RIN3: variants seen among roughly 807,000 people sequenced by gnomAD.
RIN3 encodes RAB5 interacting protein 3.
In RIN3, 54 loss-of-function variants were observed where a neutral mutation model predicts 76.3. The observed-to-expected ratio is 0.71, with a 90% CI of 0.57 to 0.89. RIN3 has a LOEUF of 0.89. RIN3 is among the 40% of genes least tolerant of loss of function. RIN3 has a pLI of 0.00. For missense variants in RIN3, 1,256 were observed against 1,322.1 expected, an observed-to-expected ratio of 0.95 and a Z score of 0.78; for synonymous variants, 576 against 564.0, an observed-to-expected ratio of 1.02 and a Z score of -0.30.
At chr14:92,581,565 C>G (rs751360223) in intron 3 of RIN3, among the ~76,000 whole-genome samples, 8 of 152,136 alleles carry the variant, frequency 5.3e-5, no homozygotes, top group Non-Finnish European at 1.2e-4. Context: ...AGCAGACTGT[C>G]TGAACGTTCT....
At chr14:92,547,169 TTA>T (rs1360835709) in intron 1 of RIN3, among the ~76,000 whole-genome samples, 2 of 85,858 alleles carry the variant, frequency 2.3e-5, no homozygotes, top group African/African-American at 8.7e-5. Context: ...ATAAAATAAA[TTA>T]TCTTTATTTT....
In RIN3 at chr14:92,674,191, G is replaced by T. The variant is rs376917370; in HGVS notation, c.2336-2284G>T. ...TGAGAGGAGGGAAGGAGCTTGCTAC[G>T]GTCCACAGCTGGTGAGTAGTAGAGC... On this transcript the variant is annotated intron_variant, in intron 7 of 9. Coordinates refer to ENST00000216487, the MANE Select transcript of RIN3 (RefSeq NM_024832.5). Among the ~76,000 whole-genome samples the T allele has an allele frequency of 9.7e-4, 147 of 152,254 alleles. 1 individual carries two copies. Among genetic ancestry groups the T allele is most frequent in the African/African-American group, 2.9e-3 (121 of 41,532 alleles).
At chr14:92,666,365 G>A (rs1243624122) in intron 7 of RIN3, among the ~76,000 whole-genome samples, 1 of 152,194 alleles carries the variant, frequency 6.6e-6, no homozygotes, top group African/African-American at 2.4e-5. Flanking sequence ...AGAAAGATAG[G>A]GCCAGGATTA....
chr14:92,566,688 G>C (rs138305976), intron 2 of RIN3, among the ~76,000 whole-genome samples: 1 of 152,088 alleles, frequency 6.6e-6, no homozygotes, highest in African/African-American at 2.4e-5. Context: ...AAAAGAAGCC[G>C]CCCAGAAAGC....
intron 1 of RIN3, among the ~76,000 whole-genome samples, chr14:92,531,533 G>T (rs1366656503): frequency 1.3e-5 from 2 of 152,204 alleles, no homozygotes; most frequent in African/African-American, 2.4e-5. Flanking sequence ...AGGGCACCTG[G>T]GCCTGGCAGG....
chr14:92,682,910 A>C (rs1888717467), intron 8 of RIN3, among the ~76,000 whole-genome samples: 1 of 152,232 alleles, frequency 6.6e-6, no homozygotes, highest in Non-Finnish European at 1.5e-5. Flanking sequence ...TCACACCCGT[A>C]ATCCCAGCTC....
At chr14:92,674,252 G>A (rs1703220276) in intron 7 of RIN3, among the ~76,000 whole-genome samples, 1 of 152,156 alleles carries the variant, frequency 6.6e-6, no homozygotes, top group Non-Finnish European at 1.5e-5. Flanking sequence ...TGGAGACTCA[G>A]CCTTCACACC....
chr14:92,513,868 A>G lies in RIN3; in HGVS notation c.-65A>G, dbSNP rs2139982339. ...AGCCAGGGACATGCGGGCGCCCGGG[A>G]CTCCGCGTTCCGCGCGGCCCGGCGC... On this transcript the variant is annotated 5_prime_UTR_variant, in exon 1 of 10. Coordinates refer to ENST00000216487, the MANE Select transcript of RIN3 (RefSeq NM_024832.5). 8.6e-7 allele frequency: 1 copy of G among 1,166,846 alleles called. No homozygotes were observed. The highest frequency in any genetic ancestry group is 1.1e-6 in the Non-Finnish European group (1 of 929,076). 72.3% of individuals were successfully genotyped at this position (1,166,846 alleles called of 1,614,324 possible).
At position 92,656,086 on chromosome 14, in the gene RIN3, G is replaced by A. The variant is rs1165020803; in HGVS notation, c.2026+3011G>A. Among the ~76,000 whole-genome samples the A allele has an allele frequency of 2.0e-5, 3 of 152,214 alleles. No individual in the cohort carries two copies. The highest frequency in any genetic ancestry group is 3.8e-4 in the East Asian group (2 of 5,198). ...AGGACACAGAAGGGCATGGGAGGACGTGGAAGGACATGGAAAACTCCAAGT... is the reference window on the plus strand; with the variant it reads ...AGGACACAGAAGGGCATGGGAGGACATGGAAGGACATGGAAAACTCCAAGT... On this transcript the variant is annotated intron_variant, in intron 6 of 9. Transcript: ENST00000216487. This position sits in a 1 kb window ranked among gnomAD's most constrained non-coding sequence, Gnocchi z 5.2.
chr14:92,604,739 A>G (rs1885463420), intron 3 of RIN3, among the ~76,000 whole-genome samples: 1 of 151,928 alleles, frequency 6.6e-6, no homozygotes, highest in African/African-American at 2.4e-5. Flanking sequence ...CTCTCGCCCT[A>G]CCAACCAAAT....
chr14:92,593,047 A>G lies in RIN3; in HGVS notation c.367+15570A>G, dbSNP rs1043925732. 2.0e-5 allele frequency among the ~76,000 whole-genome samples: 3 copies of G among 152,194 alleles called. No individual in the cohort carries two copies. The South Asian group carries it at 6.2e-4, about 32-fold the overall frequency. On this transcript the variant is annotated intron_variant, in intron 3 of 9. Transcript: ENST00000216487. ...ATCTACATGTGTGAAAGCTGCAGAT[A>G]TGGAGGGCCAACTGTCCTCACAACG...
At chr14:92,563,506 G>T (rs1454976315) in intron 2 of RIN3, among the ~76,000 whole-genome samples, 2 of 152,100 alleles carry the variant, frequency 1.3e-5, no homozygotes, top group Admixed American at 6.5e-5. Flanking sequence ...CAAAACAGGG[G>T]TGTGATCTCT....
chr14:92,604,228 G>A lies in RIN3; in HGVS notation c.368-11179G>A, dbSNP rs138193549. Among the ~76,000 whole-genome samples the A allele has an allele frequency of 3.0e-3, 459 of 152,166 alleles. 2 individuals carry two copies. The highest frequency in any genetic ancestry group is 8.5e-3 in the East Asian group (44 of 5,158). On this transcript the variant is annotated intron_variant, in intron 3 of 9. Coordinates refer to ENST00000216487, the MANE Select transcript of RIN3 (RefSeq NM_024832.5). The stretch of plus-strand genomic sequence containing the variant: ...CCCCAGCCCATGGGGCCCTGCAGGC[G>A]CCCCCCCTCCCACTCCCCAGCTGGG...
intron 4 of RIN3, among the ~76,000 whole-genome samples, chr14:92,634,275 C>A (rs1490241249): frequency 1.3e-5 from 2 of 151,790 alleles, no homozygotes; most frequent in Non-Finnish European, 2.9e-5. Flanking sequence ...ACTGAGGTTT[C>A]ACCATGTTGG....
Position 92,514,130 on chromosome 14 carries a change from C to T in RIN3, c.44+154C>T, listed in dbSNP as rs1230028503. Among the ~76,000 whole-genome samples the T allele has an allele frequency of 2.0e-5, 3 of 152,240 alleles. No homozygotes were observed. The highest frequency in any genetic ancestry group is 7.2e-5 in the African/African-American group (3 of 41,466). ...ACCCCCACCGTGGCCGAGGCCAGAA[C>T]CTGGTTCTGCGGGGCAGGGGGCGGC... is the stretch of plus-strand genomic sequence containing the variant. On this transcript the variant is annotated intron_variant, in intron 1 of 9. Coordinates refer to ENST00000216487, the MANE Select transcript of RIN3 (RefSeq NM_024832.5). The surrounding 1 kb of genome is among the most constrained non-coding windows in gnomAD (Gnocchi z 7.2).
rs1887288806 is a variant in RIN3, at chr14:92,648,674, C to T, written c.533-2908C>T. Among the ~76,000 whole-genome samples, 2 of 152,248 alleles carry T rather than the reference C, an allele frequency of 1.3e-5. No individual in the cohort carries two copies. Among genetic ancestry groups the T allele is most frequent in the Admixed American group, 6.5e-5 (1 of 15,284 alleles). ...CACTGTCTCAGGTGCTGGGAATACTCAGACAGCTGAAAGATTTGACTGCCT... is the reference window on the plus strand; with the variant it reads ...CACTGTCTCAGGTGCTGGGAATACTTAGACAGCTGAAAGATTTGACTGCCT... On this transcript the variant is annotated intron_variant, in intron 5 of 9. Coordinates refer to ENST00000216487, the MANE Select transcript of RIN3 (RefSeq NM_024832.5). This position sits in a 1 kb window ranked among gnomAD's most constrained non-coding sequence, Gnocchi z 4.1.
intron 7 of RIN3, 81 bp from the exon 8 acceptor site, chr14:92,676,394 C>A: frequency 6.6e-7 from 1 of 1,525,734 alleles, no homozygotes; most frequent in South Asian, 1.2e-5. Flanking sequence ...CTCAGCAAAC[C>A]ACTGTCCCCT....
intron 3 of RIN3, among the ~76,000 whole-genome samples, chr14:92,613,847 A>C (rs9323879): frequency 7.0e-4 from 106 of 152,172 alleles, no homozygotes; most frequent in African/African-American, 2.3e-3. Flanking sequence ...GGACATGCAC[A>C]TGTTTCCTGG....
intron 2 of RIN3, chr14:92,576,129 T>A (rs112045937): frequency 5.5e-5 from 52 of 945,436 alleles, no homozygotes; most frequent in Non-Finnish European, 7.1e-5. Flanking sequence ...GGATGCCCCC[T>A]CCCCCTTCCT....
Sources: allele counts gnomAD v4.1 joint callset (sites outside exome capture counted in the v4.1 genomes callset), GRCh38; gene constraint gnomAD v4.1.1; non-coding constraint Gnocchi (gnomAD v3.1); transcripts MANE v1.5; gene names NCBI Gene and HGNC (gene_info 2026-07-23, HGNC 2026-07-21).